Variants in CAPN15 observed in about 807,000 individuals in gnomAD.
The protein encoded by CAPN15 is calpain 15, also known as calpain-15.
A neutral mutation model predicts 97.9 loss-of-function variants in CAPN15; 53 were observed. The ratio of observed to expected loss-of-function variants is 0.54; its 90% CI spans 0.43 to 0.68. CAPN15 has a LOEUF of 0.68. Among genes scored for constraint, CAPN15 ranks in the 30% least tolerant of loss-of-function variants. The pLI is 0.00. For missense variants in CAPN15, 1,592 were observed against 1,589.8 expected (o/e 1.00, Z -0.02); for synonymous variants, 922 against 722.5 (o/e 1.28, Z -4.43).
Position 547,987 on chromosome 16 carries a change from CTG to C in CAPN15, c.1152_1153del (p.Cys384TrpfsTer107). The C allele has an allele frequency of 6.3e-7, 1 of 1,582,184 alleles. No homozygotes were observed. The highest frequency in any genetic ancestry group is 8.6e-7 in the Non-Finnish European group (1 of 1,166,142). ...GCGAGCCCCCCACCCACTGCCCCGACTGTGGGGCCGACAAGCCCAGCCCCTGC... is the reference window on the plus strand; with the variant it reads ...GCGAGCCCCCCACCCACTGCCCCGACTGGGGCCGACAAGCCCAGCCCCTGC... ...HGEPPTHCPD[C>X]GADKPSPCGR... On this transcript the variant is annotated frameshift_variant, in exon 4 of 14. Transcript: ENST00000219611. LOFTEE classifies it high-confidence loss of function.
At position 528,947 on chromosome 16, in the gene CAPN15, G is replaced by A. The variant is rs113867353; in HGVS notation, c.-190+918G>A. On this transcript the variant is annotated intron_variant, in intron 1 of 13. Transcript: ENST00000219611. ...TTGCCTCCGCGTTTCCAGAGTCTGG[G>A]GCTGGGCAAGGATATAGGGGTGATT... 8.6e-3 allele frequency among the ~76,000 whole-genome samples: 1,314 copies of A among 152,342 alleles called. 18 individuals are homozygous for A. The highest frequency in any genetic ancestry group is 0.03 in the African/African-American group (1,237 of 41,564).
At chr16:533,430 T>A (rs1448688909) in intron 1 of CAPN15, among the ~76,000 whole-genome samples, 4 of 152,064 alleles carry the variant, frequency 2.6e-5, no homozygotes, top group African/African-American at 9.7e-5. Flanking sequence ...ACAGCTGTAG[T>A]GGCCGGGTGG....
At chr16:548,400 G>A (rs1366501281) in intron 4 of CAPN15, 113 bp downstream of exon 4, 22 of 1,093,014 alleles carry the variant, frequency 2.0e-5, no homozygotes, top group Non-Finnish European at 2.6e-5. Flanking sequence ...GGCCTAAGAC[G>A]TGATGGGGAG....
In CAPN15 at chr16:548,263, G is replaced by T; in HGVS notation, c.1425G>T (p.Glu475Asp). ...AGGGCGAGGCCAAGGCACTCTGGGAGAACATCGTGGCCTTCTGCCGGGAGG... is the reference window on the plus strand; with the variant it reads ...AGGGCGAGGCCAAGGCACTCTGGGATAACATCGTGGCCTTCTGCCGGGAGG... ...TDEGEAKALW[E>D]NIVAFCRENN... Residue 475 changes from glutamate to aspartate, a missense_variant, in exon 4 of 14, where the codon GAG (glutamate) becomes GAT (aspartate). Glu to Asp is a conservative substitution (Grantham distance 45). Around this residue, in one of 3 missense-constraint regions of CAPN15, gnomAD observed 883 missense variants for 776.6 expected, o/e 1.14. Coordinates refer to ENST00000219611, the MANE Select transcript of CAPN15 (RefSeq NM_005632.3). 5 of 1,531,868 alleles carry T rather than the reference G, an allele frequency of 3.3e-6. No individual in the cohort carries two copies. Among genetic ancestry groups the T allele is most frequent in the Non-Finnish European group, 4.4e-6 (5 of 1,140,858 alleles). The allele number at this position is 1,531,868 out of a possible 1,614,324, so 94.9% of individuals were successfully genotyped here. A position where few individuals can be genotyped will look rare whatever the true frequency, so the allele number is the denominator to read the frequency against.
At chr16:530,387 C>T (rs2033166676) in intron 1 of CAPN15, among the ~76,000 whole-genome samples, 1 of 152,226 alleles carries the variant, frequency 6.6e-6, no homozygotes, top group African/African-American at 2.4e-5. Context: ...GTTCTGAATA[C>T]CTGGGTTCTG....
chr16:542,393 C>T (rs983846394), intron 3 of CAPN15, among the ~76,000 whole-genome samples: 34 of 152,228 alleles, frequency 2.2e-4, no homozygotes, highest in African/African-American at 7.0e-4. Flanking sequence ...TAGTTCCCAC[C>T]GGCAACGCTG....
chr16:550,209 G>A (rs1199480268), intron 7 of CAPN15, among the ~76,000 whole-genome samples: 1 of 152,232 alleles, frequency 6.6e-6, no homozygotes, highest in African/African-American at 2.4e-5. Context: ...TGGTCAGCGG[G>A]TCTGTGCCTC....
In CAPN15 at chr16:552,220, C is replaced by T. The variant is rs752121137; in HGVS notation, c.2507+8C>T. ...CTTCCAGGAGGGCAGCAGGTGGGTG[C>T]TGCGGGGCCCCATCGGGCTGGGCTG... On this transcript the variant is annotated splice_region_variant and intron_variant, in intron 10 of 13. Transcript: ENST00000219611. This position sits in a 1 kb window ranked among gnomAD's most constrained non-coding sequence, Gnocchi z 6.4. 4 of 1,531,526 alleles carry T rather than the reference C, an allele frequency of 2.6e-6. No homozygotes were observed. The highest frequency in any genetic ancestry group is 2.5e-5 in the South Asian group (2 of 81,554). 94.9% of individuals were successfully genotyped at this position (1,531,526 alleles called of 1,614,324 possible). A position where few individuals can be genotyped will look rare whatever the true frequency, so the allele number is the denominator to read the frequency against.
chr16:552,073 T>C lies in CAPN15; in HGVS notation c.2368T>C (p.Cys790Arg). ...FVRYFDSVDI[C>R]KVHSDWQEAR... is the part of the protein sequence containing the mutation. ...CAGGTACTTCGACTCCGTGGACATC[T>C]GTAAGGTGCACTCGGACTGGCAGGA... Residue 790 changes from cysteine to arginine, a missense_variant, in exon 10 of 14, where the codon TGT becomes CGT. By Grantham distance (180) the Cys-to-Arg change is radical. This residue lies in a region of CAPN15 where 644 missense variants were observed against 699.6 expected (regional missense o/e 0.92). Coordinates refer to ENST00000219611, the MANE Select transcript of CAPN15 (RefSeq NM_005632.3). The surrounding 1 kb of genome is among the most constrained non-coding windows in gnomAD (Gnocchi z 6.4). 1 of 1,549,138 alleles carries C rather than the reference T, an allele frequency of 6.5e-7. No homozygotes were observed. Among genetic ancestry groups the C allele is most frequent in the African/African-American group, 1.4e-5 (1 of 73,126 alleles).
rs752023490 is a variant in CAPN15, at chr16:552,811, G to T, written c.2904+40G>T. On this transcript the variant is annotated intron_variant, in intron 12 of 13. Coordinates refer to ENST00000219611, the MANE Select transcript of CAPN15 (RefSeq NM_005632.3). The surrounding 1 kb of genome is among the most constrained non-coding windows in gnomAD (Gnocchi z 6.4). ...CGGGGGAGGGTGGCGTGGGGCAGGG[G>T]GAGTATGCCCCAGCACCTCCCCTGC... The T allele has an allele frequency of 2.7e-5, 41 of 1,544,292 alleles. No homozygotes were observed. The highest frequency in any genetic ancestry group is 3.5e-5 in the Non-Finnish European group (40 of 1,143,844).
intron 1 of CAPN15, among the ~76,000 whole-genome samples, chr16:531,287 C>T (rs2033232236): frequency 6.6e-6 from 1 of 152,218 alleles, no homozygotes; most frequent in African/African-American, 2.4e-5. Flanking sequence ...CAGCCTCAAA[C>T]TCCTGGGCTC....
Position 552,559 on chromosome 16 carries a change from C to T in CAPN15, c.2737+29C>T. 6.4e-7 allele frequency: 1 copy of T among 1,573,482 alleles called. No homozygotes were observed. The highest frequency in any genetic ancestry group is 8.6e-7 in the Non-Finnish European group (1 of 1,163,394). On this transcript the variant is annotated intron_variant, in intron 11 of 13. Transcript: ENST00000219611. This position sits in a 1 kb window ranked among gnomAD's most constrained non-coding sequence, Gnocchi z 6.4. ...CGTGGCCCCTACCCCAGGCTCATGC[C>T]CCAGGCCCACGGGGAGGGCTGCGGT...
In CAPN15 at chr16:547,827, G is replaced by T; in HGVS notation, c.989G>T (p.Arg330Leu). 1.2e-6 allele frequency: 2 copies of T among 1,610,738 alleles called. No individual in the cohort carries two copies. Among genetic ancestry groups the T allele is most frequent in the Non-Finnish European group, 1.7e-6 (2 of 1,179,238 alleles). Residue 330 changes from arginine to leucine, a missense_variant, in exon 4 of 14, where the codon CGT becomes CTT. By Grantham distance (102) the Arg-to-Leu change is moderately radical. Around this residue, in one of 3 missense-constraint regions of CAPN15, gnomAD observed 883 missense variants for 776.6 expected, o/e 1.14. Coordinates refer to ENST00000219611, the MANE Select transcript of CAPN15 (RefSeq NM_005632.3). The part of the protein sequence containing the change: ...DIIDLAGDTV[R>L]YTPASPSSPD... ...ATTGACCTGGCCGGAGACACCGTGC[G>T]TTACACGCCCGCCAGCCCCTCCAGC...
chr16:548,473 T>A (rs1358534359), intron 4 of CAPN15, among the ~76,000 whole-genome samples, 186 bp downstream of exon 4: 1 of 152,220 alleles, frequency 6.6e-6, no homozygotes, highest in African/African-American at 2.4e-5. Flanking sequence ...CTTGGCCTCC[T>A]GACCCTTGGT....
At position 553,356 on chromosome 16, in the gene CAPN15, T is replaced by C. The variant is rs1596366848; in HGVS notation, c.3101T>C (p.Leu1034Ser). 1 of 1,605,700 alleles carries C rather than the reference T, an allele frequency of 6.2e-7. No individual in the cohort carries two copies. The highest frequency in any genetic ancestry group is 1.4e-5 in the African/African-American group (1 of 73,252). The change falls in exon 14 of 14, where the codon TTG becomes TCG. Residue 1034 changes from leucine (L) to serine (S), a missense_variant. By Grantham distance (145) the Leu-to-Ser change is moderately radical. Transcript: ENST00000219611. ...PPLHRQVLVI[L>S]SQLEGNAGFS... ...TCCCCCAGGCAGGTCCTGGTGATCT[T>C]GTCCCAGCTAGAGGGCAACGCCGGC...
chr16:545,943 C>T (rs986197409), intron 3 of CAPN15, among the ~76,000 whole-genome samples: 4 of 152,232 alleles, frequency 2.6e-5, no homozygotes, highest in Admixed American at 6.5e-5. Flanking sequence ...TGCCCTTCTC[C>T]GAGTGGTGAT....
intron 7 of CAPN15, among the ~76,000 whole-genome samples, chr16:550,456 C>T (rs960250850): frequency 2.0e-5 from 3 of 152,228 alleles, no homozygotes; most frequent in Non-Finnish European, 4.4e-5. Context: ...GAACACTTCA[C>T]GTGGTCCCTA....
At position 552,141 on chromosome 16, in the gene CAPN15, C is replaced by T. The variant is rs553459831; in HGVS notation, c.2436C>T (p.Pro812=). The stretch of plus-strand genomic sequence containing the variant: ...GCTTTCCCAGCTCGGCCAGCGCGCC[C>T]GTGGGGGTAACAGCGCTCACGGTGC... ...QGCFPSSASA[P]VGVTALTVLE... Residue 812 remains proline (P), a synonymous_variant, in exon 10 of 14, where the codon CCC becomes CCT. Coordinates refer to ENST00000219611, the MANE Select transcript of CAPN15 (RefSeq NM_005632.3). The surrounding 1 kb of genome is among the most constrained non-coding windows in gnomAD (Gnocchi z 6.4). The T allele has an allele frequency of 9.9e-5, 153 of 1,547,566 alleles. No homozygotes were observed. The highest frequency in any genetic ancestry group is 5.9e-4 in the Middle Eastern group (3 of 5,074).
intron 3 of CAPN15, among the ~76,000 whole-genome samples, chr16:541,552 G>A (rs191367123): frequency 1.6e-4 from 24 of 152,336 alleles, no homozygotes; most frequent in African/African-American, 3.6e-4. Context: ...TGGTGTTACC[G>A]CACCAGCCGC....
Sources: gnomAD v4.1 joint callset for allele counts (sites outside exome capture counted in the v4.1 genomes callset) on GRCh38, gnomAD v4.1.1 for gene constraint, gnomAD v4.1.1 regional missense constraint, Gnocchi (gnomAD v3.1) non-coding constraint, MANE v1.5 for transcripts, NCBI Gene and HGNC (gene_info 2026-07-23, HGNC 2026-07-21) for gene names.